Variants in PARD3B observed in about 807,000 individuals in gnomAD.
The protein encoded by PARD3B is partitioning defective 3 homolog B.
PARD3B carries 103 observed loss-of-function variants against 130.2 expected under a neutral mutation model. The observed-to-expected ratio is 0.79, with a 90% CI of 0.67 to 0.93. The LOEUF (loss-of-function observed/expected upper bound fraction) is 0.93, where lower values mean the gene tolerates loss of function less well. PARD3B is among the 40% of genes least tolerant of loss of function. PARD3B has a pLI of 0.00. For synonymous variants in PARD3B, 583 were observed against 553.2 expected, an observed-to-expected ratio of 1.05 and a Z score of -0.76; for missense variants, 1,609 against 1,499.2, an observed-to-expected ratio of 1.07 and a Z score of -1.21.
At position 205,175,411 on chromosome 2, in the gene PARD3B, C is replaced by T. The variant is rs185549980; in HGVS notation, c.1792-1034C>T. 1.9e-3 allele frequency among the ~76,000 whole-genome samples: 291 copies of T among 152,276 alleles called. 1 individual carries two copies. The highest frequency in any genetic ancestry group is 6.5e-3 in the African/African-American group (272 of 41,556). On this transcript the variant is annotated intron_variant, in intron 12 of 22. Transcript: ENST00000406610. ...CAAGCCTTGACAAAAAGCTAAAGGACCTTCAGCAGCTGAAAACATTTTAAT... is the reference window on the plus strand; with the variant it reads ...CAAGCCTTGACAAAAAGCTAAAGGATCTTCAGCAGCTGAAAACATTTTAAT...
At chr2:205,380,921 T>TTATAC (rs2045379390) in intron 18 of PARD3B, among the ~76,000 whole-genome samples, 1 of 100,924 alleles carries the variant, frequency 9.9e-6, no homozygotes, top group Non-Finnish European at 1.7e-5. Context: ...AAAGAATATA[T>TTATAC]ATAATATATA....
chr2:204,787,705 C>G (rs534123824), intron 2 of PARD3B, among the ~76,000 whole-genome samples: 1 of 152,300 alleles, frequency 6.6e-6, no homozygotes, highest in Non-Finnish European at 1.5e-5. Context: ...CTCTCCTCTA[C>G]CACTGTTCAA....
intron 18 of PARD3B, among the ~76,000 whole-genome samples, chr2:205,320,661 G>A (rs971082092): frequency 1.3e-5 from 2 of 152,264 alleles, no homozygotes; most frequent in Non-Finnish European, 2.9e-5. Flanking sequence ...CAGCAGTCAC[G>A]CTGAAGTATA....
intron 2 of PARD3B, among the ~76,000 whole-genome samples, chr2:204,881,418 A>T (rs1458213207): frequency 6.6e-6 from 1 of 152,220 alleles, no homozygotes; most frequent in Non-Finnish European, 1.5e-5. Context: ...TGTATTTTAT[A>T]CATTATATGT....
intron 21 of PARD3B, among the ~76,000 whole-genome samples, chr2:205,517,652 A>G (rs1482309878): frequency 1.3e-5 from 2 of 151,642 alleles, no homozygotes; most frequent in African/African-American, 4.8e-5. Context: ...TGCTTCTCTG[A>G]TTCTTTCAGT....
rs1455354422 is a variant in PARD3B, at chr2:204,783,274, T to C, written c.222+96992T>C. On this transcript the variant is annotated intron_variant, in intron 2 of 22. Transcript: ENST00000406610. Reference sequence around the variant, plus strand: ...ATAATCAGTGTATATTAGTCAGGAATAGTTGTTGGTAATGCTTCTTTTTCT... The same window carrying C: ...ATAATCAGTGTATATTAGTCAGGAACAGTTGTTGGTAATGCTTCTTTTTCT... Among the ~76,000 whole-genome samples the C allele has an allele frequency of 2.6e-5, 4 of 152,100 alleles. No individual in the cohort carries two copies. In the East Asian group the frequency reaches 7.7e-4, roughly 29 times the overall value.
intron 20 of PARD3B, among the ~76,000 whole-genome samples, chr2:205,471,705 C>T (rs1392736524): frequency 1.3e-5 from 2 of 152,186 alleles, no homozygotes; most frequent in Non-Finnish European, 2.9e-5. Context: ...ACCTGAGATA[C>T]TCACTAGAAA....
In PARD3B at chr2:205,525,058, C is replaced by T. The variant is rs1002210869; in HGVS notation, c.3180+25027C>T. Among the ~76,000 whole-genome samples the T allele has an allele frequency of 1.3e-5, 2 of 152,170 alleles. No individual in the cohort carries two copies. Among genetic ancestry groups the T allele is most frequent in the Non-Finnish European group, 2.9e-5 (2 of 68,020 alleles). The stretch of plus-strand genomic sequence containing the variant: ...GAGATTTCTTAGTGATGAACCATGG[C>T]AAGAACCAGGACAGTTTTATTGCCT... On this transcript the variant is annotated intron_variant, in intron 21 of 22. Transcript: ENST00000406610. This position sits in a 1 kb window ranked among gnomAD's most constrained non-coding sequence, Gnocchi z 4.2.
In PARD3B at chr2:205,222,980, T is replaced by C. The variant is rs6748438; in HGVS notation, c.2141-22798T>C. ...CATTGAGGTTGTCCATAAATCAGTG[T>C]AGTACAGAGTAGAAAGTGGTACGTA... On this transcript the variant is annotated intron_variant, in intron 15 of 22. Coordinates refer to ENST00000406610, the MANE Select transcript of PARD3B (RefSeq NM_001302769.2). Among the ~76,000 whole-genome samples, 390 of 152,228 alleles carry C rather than the reference T, an allele frequency of 2.6e-3. 4 individuals are homozygous for C. The highest frequency in any genetic ancestry group is 8.8e-3 in the African/African-American group (364 of 41,518).
At chr2:205,247,884 T>C (rs1019235532) in intron 16 of PARD3B, among the ~76,000 whole-genome samples, 1 of 152,132 alleles carries the variant, frequency 6.6e-6, no homozygotes. Context: ...AGGTTCAAAA[T>C]TTATGTACTC....
chr2:205,554,950 T>C lies in PARD3B; in HGVS notation c.3260+1547T>C, dbSNP rs567047987. On this transcript the variant is annotated intron_variant, in intron 22 of 22. Transcript: ENST00000406610. ...GGCTGGGGTGCGGGAGGTGCAGTCC[T>C]GGAACCATTCCCCCAAGGAATGGGG... is the stretch of plus-strand genomic sequence containing the variant. Among the ~76,000 whole-genome samples, 5 of 152,140 alleles carry C rather than the reference T, an allele frequency of 3.3e-5. No homozygotes were observed. In the South Asian group the frequency reaches 1.0e-3, roughly 32 times the overall value.
At chr2:205,419,738 T>C (rs1330747701) in intron 19 of PARD3B, among the ~76,000 whole-genome samples, 1 of 152,104 alleles carries the variant, frequency 6.6e-6, no homozygotes, top group Non-Finnish European at 1.5e-5. Flanking sequence ...CAGGAAGAAA[T>C]AAGAAATGCT....
At chr2:204,771,591 G>A (rs1324172306) in intron 2 of PARD3B, among the ~76,000 whole-genome samples, 1 of 151,822 alleles carries the variant, frequency 6.6e-6, no homozygotes, top group Non-Finnish European at 1.5e-5. Context: ...CTGGGTGATG[G>A]GATCAATAGA....
chr2:204,975,121 G>T (rs1315839499), intron 3 of PARD3B, among the ~76,000 whole-genome samples: 4 of 152,086 alleles, frequency 2.6e-5, no homozygotes, highest in African/African-American at 9.7e-5. Context: ...AATAAATTCA[G>T]ATGCTCACAG....
chr2:205,417,206 T>G (rs1437165345), intron 19 of PARD3B, among the ~76,000 whole-genome samples: 1 of 151,854 alleles, frequency 6.6e-6, no homozygotes, highest in Non-Finnish European at 1.5e-5. Flanking sequence ...TGTGATAGTT[T>G]GCTCAGAATG....
chr2:205,518,595 GAT>G (rs1311404556), intron 21 of PARD3B, among the ~76,000 whole-genome samples: 1 of 152,076 alleles, frequency 6.6e-6, no homozygotes, highest in African/African-American at 2.4e-5. Flanking sequence ...GGTTAATATT[GAT>G]ATGTGTGGAT....
chr2:205,008,795 A>G (rs916146951), intron 3 of PARD3B, among the ~76,000 whole-genome samples: 3 of 152,216 alleles, frequency 2.0e-5, no homozygotes, highest in Non-Finnish European at 4.4e-5. Context: ...TGTGATGGAT[A>G]TAACAGTCCT....
intron 5 of PARD3B, among the ~76,000 whole-genome samples, 173 bp downstream of exon 5, chr2:205,104,687 A>G (rs1703074959): frequency 6.6e-6 from 1 of 152,186 alleles, no homozygotes; most frequent in African/African-American, 2.4e-5. Context: ...TTTTCTTCAT[A>G]TGAGAACTTA....
At chr2:205,482,616 T>G (rs2049284268) in intron 20 of PARD3B, 3 of 148,918 alleles carry the variant, frequency 2.0e-5, no homozygotes, top group Admixed American at 6.7e-5. Flanking sequence ...CAGGCGGGGG[T>G]GGGGGGCATT....
Sources: allele counts gnomAD v4.1 joint callset (sites outside exome capture counted in the v4.1 genomes callset), GRCh38; gene constraint gnomAD v4.1.1; non-coding constraint Gnocchi (gnomAD v3.1); transcripts MANE v1.5; gene names NCBI Gene and HGNC (gene_info 2026-07-23, HGNC 2026-07-21).